The following ACTR3C variants were observed in gnomAD, a reference collection of about 807,000 sequenced individuals.
ACTR3C encodes actin-related protein 3C.
In ACTR3C, 18 loss-of-function variants were observed where a neutral mutation model predicts 26.3. That is an observed-to-expected ratio of 0.68 (90% CI 0.47 to 1.01). The LOEUF (loss-of-function observed/expected upper bound fraction) is 1.01. ACTR3C is among the 50% of genes least tolerant of loss of function. The probability of loss-of-function intolerance (pLI) is 0.00; values close to 1 mark genes in which losing one functional copy is unlikely to be tolerated. For missense variants in ACTR3C, 184 were observed against 250.7 expected (o/e 0.73, Z 1.80); for synonymous variants, 55 against 94.5 (o/e 0.58, Z 2.42).
intron 6 of ACTR3C, among the ~76,000 whole-genome samples, chr7:150,254,846 C>T (rs1833096195): frequency 1.3e-5 from 2 of 152,192 alleles, no homozygotes; most frequent in African/African-American, 4.8e-5. Flanking sequence ...GACTGAACCC[C>T]TGACATTCAG....
At chr7:149,933,692 A>C in the ACTR3C span, among the ~76,000 whole-genome samples, 6 of 152,158 alleles carry the variant, frequency 3.9e-5, no homozygotes, top group Admixed American at 3.3e-4. Flanking sequence ...GTTGAGTTCT[A>C]CTCAACACTA....
the ACTR3C span, among the ~76,000 whole-genome samples, chr7:149,892,013 G>T: frequency 7.6e-6 from 1 of 131,490 alleles, no homozygotes; most frequent in Non-Finnish European, 1.7e-5. Flanking sequence ...TCCAGGGGAG[G>T]GGATCTTGCT....
the ACTR3C span, among the ~76,000 whole-genome samples, chr7:149,921,120 A>T: frequency 6.6e-6 from 1 of 152,192 alleles, no homozygotes; most frequent in African/African-American, 2.4e-5. Context: ...AATTTTTTCC[A>T]GTTCACAGTG....
intron 6 of ACTR3C, among the ~76,000 whole-genome samples, chr7:150,271,620 ATT>A (rs1834458426): frequency 6.8e-6 from 1 of 146,112 alleles, no homozygotes; most frequent in African/African-American, 2.7e-5. Context: ...AGTCTTTGCT[ATT>A]ATGAACAGTG....
At chr7:150,217,256 C>G in the ACTR3C span, among the ~76,000 whole-genome samples, 1 of 151,556 alleles carries the variant, frequency 6.6e-6, no homozygotes, top group African/African-American at 2.4e-5. Context: ...ACCTTAGGAT[C>G]CCAAAGTCCA....
At chr7:150,110,442 C>A in the ACTR3C span, among the ~76,000 whole-genome samples, 4 of 137,028 alleles carry the variant, frequency 2.9e-5, no homozygotes, top group African/African-American at 1.1e-4. Flanking sequence ...GGTGGGGCTG[C>A]CTGAGGGTGG....
At chr7:150,125,225 TAA>T in the ACTR3C span, among the ~76,000 whole-genome samples, 1 of 143,346 alleles carries the variant, frequency 7.0e-6, no homozygotes, top group African/African-American at 2.6e-5. Context: ...TCTACCAAGT[TAA>T]AAAAAAAAAA....
chr7:150,070,418 A>C, the ACTR3C span, among the ~76,000 whole-genome samples: 1 of 152,214 alleles, frequency 6.6e-6, no homozygotes, highest in Non-Finnish European at 1.5e-5. Flanking sequence ...AACATCGGTC[A>C]GGGGCAGAGA....
chr7:150,083,422 C>T, the ACTR3C span, among the ~76,000 whole-genome samples: 14 of 152,130 alleles, frequency 9.2e-5, no homozygotes, highest in African/African-American at 2.9e-4. Flanking sequence ...AAAAAATTAG[C>T]TGGGCTTTGT....
At chr7:149,995,512 TC>T in the ACTR3C span, among the ~76,000 whole-genome samples, 4 of 152,270 alleles carry the variant, frequency 2.6e-5, no homozygotes, top group Non-Finnish European at 5.9e-5. Context: ...GCAGGTCTGT[TC>T]TCTTCGAGGT....
At chr7:150,140,986 T>A in the ACTR3C span, among the ~76,000 whole-genome samples, 1 of 152,174 alleles carries the variant, frequency 6.6e-6, no homozygotes. Flanking sequence ...GTGGTCTGGA[T>A]AGAAGGTGAA....
chr7:150,073,072 C>G, the ACTR3C span, among the ~76,000 whole-genome samples: 2 of 152,102 alleles, frequency 1.3e-5, no homozygotes, highest in Admixed American at 6.5e-5. Flanking sequence ...GAAATTTTTC[C>G]CCTGAAGCGA....
the ACTR3C span, among the ~76,000 whole-genome samples, chr7:150,038,509 G>A: frequency 5.6e-5 from 8 of 143,396 alleles, 1 homozygote; most frequent in Non-Finnish European, 7.6e-5. Flanking sequence ...GGCTAATACT[G>A]CAGTTTGGGA....
intron 6 of ACTR3C, among the ~76,000 whole-genome samples, chr7:150,267,713 T>C (rs1485543027): frequency 6.6e-6 from 1 of 152,198 alleles, no homozygotes; most frequent in Non-Finnish European, 1.5e-5. Context: ...TGTGGTACCA[T>C]CTACAGTTTC....
chr7:149,935,640 G>GA, the ACTR3C span, among the ~76,000 whole-genome samples: 1 of 132,388 alleles, frequency 7.6e-6, no homozygotes, highest in African/African-American at 2.8e-5. Flanking sequence ...GACCTCACGT[G>GA]ATCCACCTGC....
intron 7 of ACTR3C, 109 bp downstream of exon 7, chr7:150,248,839 A>G (rs888840174): frequency 3.1e-4 from 136 of 439,212 alleles, no homozygotes; most frequent in Non-Finnish European, 5.0e-4. Context: ...AATAATTGTC[A>G]TAAAAATGCT....
chr7:149,928,977 C>A, the ACTR3C span, among the ~76,000 whole-genome samples: 48 of 152,300 alleles, frequency 3.2e-4, 1 homozygote, highest in Admixed American at 2.6e-3. Flanking sequence ...GATTATCATT[C>A]TTTGAACAGA....
intron 6 of ACTR3C, among the ~76,000 whole-genome samples, chr7:150,270,500 G>A (rs937262645): frequency 4.7e-5 from 7 of 148,550 alleles, no homozygotes; most frequent in Non-Finnish European, 1.0e-4. Flanking sequence ...GCAGTAGGCA[G>A]GGCAGAACAC....
chr7:150,209,918 C>CAAA, the ACTR3C span, among the ~76,000 whole-genome samples: 1 of 63,082 alleles, frequency 1.6e-5, no homozygotes, highest in African/African-American at 5.5e-5. Flanking sequence ...GACTGGGTCT[C>CAAA]AAAAAAAAAA....
Sources: gnomAD v4.1 joint callset for allele counts (sites outside exome capture counted in the v4.1 genomes callset) on GRCh38, gnomAD v4.1.1 for gene constraint, MANE v1.5 for transcripts, NCBI Gene and HGNC (gene_info 2026-07-23, HGNC 2026-07-21) for gene names.